The following MAD1L1 variants were observed in gnomAD, a reference collection of about 807,000 sequenced individuals.
The protein encoded by MAD1L1 is mitotic arrest deficient 1 like 1.
MAD1L1 carries 95 observed loss-of-function variants against 96.9 expected under a neutral mutation model. The ratio of observed to expected loss-of-function variants is 0.98; its 90% CI spans 0.83 to 1.16. The LOEUF is 1.16. MAD1L1 is among the 50% of genes most tolerant of loss of function. MAD1L1 has a pLI of 0.00. For synonymous variants in MAD1L1, 473 were observed against 396.6 expected, an observed-to-expected ratio of 1.19 and a Z score of -2.29; for missense variants, 1,007 against 954.4, an observed-to-expected ratio of 1.06 and a Z score of -0.73.
At chr7:2,060,248 TACGCCGATGCC>T (rs1784588951) in intron 12 of MAD1L1, among the ~76,000 whole-genome samples, 1 of 149,698 alleles carries the variant, frequency 6.7e-6, no homozygotes, top group African/African-American at 2.5e-5. Flanking sequence ...GATGCCGAGA[TACGCCGATGCC>T]GAGATACGCC....
At chr7:2,047,462 T>C (rs9639200) in intron 12 of MAD1L1, among the ~76,000 whole-genome samples, 1 of 152,332 alleles carries the variant, frequency 6.6e-6, no homozygotes, top group East Asian at 1.9e-4. Flanking sequence ...CTGTTTTCCA[T>C]TTGATGATGG....
At chr7:2,082,075 T>C (rs534099397) in intron 11 of MAD1L1, among the ~76,000 whole-genome samples, 8 of 151,718 alleles carry the variant, frequency 5.3e-5, no homozygotes, top group African/African-American at 1.7e-4. Flanking sequence ...CAAGAACTTA[T>C]GTAAGAAGGA....
chr7:1,932,554 C>G (rs916173113), intron 17 of MAD1L1, among the ~76,000 whole-genome samples: 1 of 152,248 alleles, frequency 6.6e-6, no homozygotes, highest in African/African-American at 2.4e-5. Flanking sequence ...CTCGGAGGTG[C>G]TGCTGCTAGG....
intron 18 of MAD1L1, among the ~76,000 whole-genome samples, chr7:1,819,274 C>A (rs1017497005): frequency 6.6e-6 from 1 of 152,172 alleles, no homozygotes; most frequent in Non-Finnish European, 1.5e-5. Flanking sequence ...TCTGAGGCTG[C>A]CTGCGCGCAG....
At chr7:1,938,628 C>G (rs1431073540) in intron 16 of MAD1L1, among the ~76,000 whole-genome samples, 1 of 152,182 alleles carries the variant, frequency 6.6e-6, no homozygotes, top group Non-Finnish European at 1.5e-5. Context: ...TCAGACAACC[C>G]ACTCTAAAAA....
At chr7:2,221,034 G>A (rs753825266) in intron 5 of MAD1L1, 17 of 1,611,208 alleles carry the variant, frequency 1.1e-5, no homozygotes, top group Admixed American at 1.7e-5. Context: ...TGTGACAGGA[G>A]AAGGCAGTCA....
chr7:1,910,280 T>C (rs1787931879), intron 17 of MAD1L1, among the ~76,000 whole-genome samples: 1 of 152,130 alleles, frequency 6.6e-6, no homozygotes, highest in Non-Finnish European at 1.5e-5. Context: ...CCCGTGTCAG[T>C]GATCCTCCGG....
chr7:2,030,263 C>T lies in MAD1L1; in HGVS notation c.1219-15621G>A, dbSNP rs138153051. 1.7e-3 allele frequency among the ~76,000 whole-genome samples: 253 copies of T among 152,286 alleles called. 1 individual carries two copies. The highest frequency in any genetic ancestry group is 5.8e-3 in the African/African-American group (240 of 41,574). On this transcript the variant is annotated intron_variant, in intron 12 of 18. Coordinates refer to ENST00000265854, the MANE Select transcript of MAD1L1 (RefSeq NM_001013836.2). ...GGTTCCCCCAGCCCACAGTGACGCC[C>T]GGGGTGGAGGTCACAAAGTTTTCAG...
In MAD1L1 at chr7:1,919,458, G is replaced by A. The variant is rs555378335; in HGVS notation, c.1807+17229C>T. Reference sequence around the variant, plus strand: ...CTGTAAAGCCAAGCCTGCCGTCCTCGCTGGGGACCTACCACACAAAGGGAG... The same window carrying A: ...CTGTAAAGCCAAGCCTGCCGTCCTCACTGGGGACCTACCACACAAAGGGAG... On this transcript the variant is annotated intron_variant, in intron 17 of 18. Transcript: ENST00000265854. Among the ~76,000 whole-genome samples, 20 of 152,332 alleles carry A rather than the reference G, an allele frequency of 1.3e-4. No individual in the cohort carries two copies. In the East Asian group the frequency reaches 2.7e-3, roughly 21 times the overall value.
intron 15 of MAD1L1, among the ~76,000 whole-genome samples, chr7:1,978,608 C>A (rs973041939): frequency 2.0e-5 from 3 of 152,164 alleles, no homozygotes. Context: ...CAGCTTCCCC[C>A]ACCCCACACC....
At chr7:2,055,343 G>A (rs1166649916) in intron 12 of MAD1L1, among the ~76,000 whole-genome samples, 12 of 152,102 alleles carry the variant, frequency 7.9e-5, no homozygotes, top group South Asian at 2.1e-4. Context: ...TGTGTGACCC[G>A]GCCCCTGTGG....
intron 18 of MAD1L1, among the ~76,000 whole-genome samples, chr7:1,853,364 G>C (rs1456463024): frequency 1.3e-5 from 2 of 152,196 alleles, no homozygotes; most frequent in Non-Finnish European, 2.9e-5. Context: ...GGTCCCTCTG[G>C]AAAGAGCGGA....
intron 17 of MAD1L1, among the ~76,000 whole-genome samples, chr7:1,913,744 G>T (rs376043909): frequency 5.9e-4 from 90 of 152,260 alleles, no homozygotes; most frequent in Non-Finnish European, 9.9e-4. Flanking sequence ...AGCTGGTCGG[G>T]GACACAGCAG....
intron 11 of MAD1L1, among the ~76,000 whole-genome samples, chr7:2,127,856 C>A (rs558575751): frequency 6.6e-6 from 1 of 152,174 alleles, no homozygotes; most frequent in Non-Finnish European, 1.5e-5. Context: ...AACCCCACTA[C>A]CCACGCAGGC....
At chr7:1,956,349 T>C (rs1243024149) in intron 16 of MAD1L1, among the ~76,000 whole-genome samples, 1 of 152,186 alleles carries the variant, frequency 6.6e-6, no homozygotes, top group East Asian at 1.9e-4. Flanking sequence ...CCCGCTTCAC[T>C]GCTCTGCACT....
At chr7:2,105,387 C>T (rs576376094) in intron 11 of MAD1L1, among the ~76,000 whole-genome samples, 119 of 115,326 alleles carry the variant, frequency 1.0e-3, no homozygotes, top group African/African-American at 3.5e-3. Context: ...CAGTGCCCTA[C>T]GGGGCGGTCT....
At position 1,902,457 on chromosome 7, in the gene MAD1L1, G is replaced by A. The variant is rs1366787954; in HGVS notation, c.1808-4067C>T. 2.6e-5 allele frequency among the ~76,000 whole-genome samples: 4 copies of A among 152,150 alleles called. No homozygotes were observed. The South Asian group carries it at 8.3e-4, about 32-fold the overall frequency. On this transcript the variant is annotated intron_variant, in intron 17 of 18. Transcript: ENST00000265854. ...CGGGGCCCAGGCCTTTCAGAAGGAG[G>A]GAAAAGGAAAACGCGGTACTTTTCT...
At chr7:2,090,771 G>A (rs988288650) in intron 11 of MAD1L1, among the ~76,000 whole-genome samples, 2 of 152,076 alleles carry the variant, frequency 1.3e-5, no homozygotes, top group African/African-American at 2.4e-5. Flanking sequence ...CTTGGAGCCC[G>A]GGCGGGGCCC....
intron 11 of MAD1L1, among the ~76,000 whole-genome samples, chr7:2,089,715 A>G (rs1562676168): frequency 6.6e-6 from 1 of 150,916 alleles, no homozygotes; most frequent in Non-Finnish European, 1.5e-5. Flanking sequence ...CACACTTCCA[A>G]CACCTGTCCC....
Sources: gnomAD v4.1 joint callset for allele counts (sites outside exome capture counted in the v4.1 genomes callset) on GRCh38, gnomAD v4.1.1 for gene constraint, MANE v1.5 for transcripts, NCBI Gene and HGNC (gene_info 2026-07-23, HGNC 2026-07-21) for gene names.